The following TRIM33 variants were observed in gnomAD, a reference collection of about 807,000 sequenced individuals.
The protein encoded by TRIM33 is E3 ubiquitin-protein ligase TRIM33.
TRIM33 carries 20 observed loss-of-function variants against 125.4 expected under a neutral mutation model. The ratio of observed to expected loss-of-function variants is 0.16; its 90% CI spans 0.11 to 0.23. TRIM33 has a LOEUF of 0.23. TRIM33 is among the 10% of genes least tolerant of loss of function. The pLI, the probability that TRIM33 is intolerant of heterozygous loss-of-function variation, is 1.00. For synonymous variants in TRIM33, 564 were observed against 513.9 expected (o/e 1.10, Z -1.32); for missense variants, 920 against 1,411.4 (o/e 0.65, Z 5.58).
rs1331626425 is a variant in TRIM33, at chr1:114,394,927, G to A, written c.*2721C>T. ...AAAGCTTTTAAGAAAACATTATTAT[G>A]TGGACTTTTCTCCAAATCTTCTAAA... On this transcript the variant is annotated 3_prime_UTR_variant, in exon 20 of 20. Coordinates refer to ENST00000358465, the MANE Select transcript of TRIM33 (RefSeq NM_015906.4). 1 of 194,586 alleles carries A rather than the reference G, an allele frequency of 5.1e-6. No individual in the cohort carries two copies. Among genetic ancestry groups the A allele is most frequent in the Non-Finnish European group, 1.1e-5 (1 of 93,528 alleles). The allele number at this position is 194,586 out of a possible 1,614,324, so 12.1% of individuals were successfully genotyped here.
chr1:114,412,578 T>C (rs1652663945), intron 11 of TRIM33, among the ~76,000 whole-genome samples: 1 of 152,204 alleles, frequency 6.6e-6, no homozygotes, highest in African/African-American at 2.4e-5. Context: ...CCTTCAGCTT[T>C]AGTTTTTTTT....
intron 2 of TRIM33, among the ~76,000 whole-genome samples, chr1:114,463,764 T>C (rs954330944): frequency 2.7e-5 from 4 of 145,972 alleles, no homozygotes; most frequent in Admixed American, 6.9e-5. Flanking sequence ...TGTGCAGATT[T>C]GACTTTTTTT....
chr1:114,495,023 C>G (rs1051008582), intron 1 of TRIM33, among the ~76,000 whole-genome samples: 7 of 152,120 alleles, frequency 4.6e-5, no homozygotes, highest in Admixed American at 4.6e-4. Context: ...AAGCGATTAT[C>G]GTGACTCAGC....
chr1:114,442,098 T>A (rs2101246314), intron 4 of TRIM33, among the ~76,000 whole-genome samples: 1 of 152,324 alleles, frequency 6.6e-6, no homozygotes, highest in South Asian at 2.1e-4. Flanking sequence ...CAGAGCACAT[T>A]TTTTCATTAT....
At chr1:114,503,951 T>C (rs2336578) in intron 1 of TRIM33, among the ~76,000 whole-genome samples, 1 of 152,310 alleles carries the variant, frequency 6.6e-6, no homozygotes, top group Non-Finnish European at 1.5e-5. Flanking sequence ...TTCCACTTTC[T>C]TCCGCAGCAG....
At chr1:114,428,268 A>G (rs57740732) in intron 6 of TRIM33, among the ~76,000 whole-genome samples, 9,611 of 152,286 alleles carry the variant, frequency 0.063, 325 homozygotes, top group African/African-American at 0.086. Flanking sequence ...GGCCAAAAAA[A>G]TTTTGTGTCA....
At chr1:114,509,637 G>A (rs1443141158) in intron 1 of TRIM33, among the ~76,000 whole-genome samples, 1 of 152,136 alleles carries the variant, frequency 6.6e-6, no homozygotes, top group African/African-American at 2.4e-5. Context: ...CCTGTGCCCT[G>A]AATACCCTCC....
At chr1:114,423,565 CTTT>C (rs561155533) in intron 10 of TRIM33, among the ~76,000 whole-genome samples, 2 of 147,646 alleles carry the variant, frequency 1.4e-5, no homozygotes, top group African/African-American at 5.0e-5. Flanking sequence ...TTTTTTCTTT[CTTT>C]TTTTTTTGTT....
At position 114,460,779 on chromosome 1, in the gene TRIM33, C is replaced by CCT. The variant is rs1392619883; in HGVS notation, c.923+2323_923+2324dup. 2.0e-5 allele frequency among the ~76,000 whole-genome samples: 3 copies of CCT among 151,860 alleles called. No individual in the cohort carries two copies. In the East Asian group the frequency reaches 5.8e-4, roughly 29 times the overall value. ...TTATTTGTTTTTGCTTTCCTCAGTCCCTCTCTCTCTATAAAACCAAGCTCC... is the reference window on the plus strand; with the variant it reads ...TTATTTGTTTTTGCTTTCCTCAGTCCCTCTCTCTCTCTATAAAACCAAGCTCC... On this transcript the variant is annotated intron_variant, in intron 4 of 19. Coordinates refer to ENST00000358465, the MANE Select transcript of TRIM33 (RefSeq NM_015906.4).
At chr1:114,508,864 G>A (rs1653162311) in intron 1 of TRIM33, among the ~76,000 whole-genome samples, 1 of 152,074 alleles carries the variant, frequency 6.6e-6, no homozygotes, top group South Asian at 2.1e-4. Flanking sequence ...AACCCTATGA[G>A]GTTATATACT....
At chr1:114,482,815 T>A (rs2101494522) in intron 1 of TRIM33, among the ~76,000 whole-genome samples, 1 of 152,284 alleles carries the variant, frequency 6.6e-6, no homozygotes, top group Middle Eastern at 3.4e-3. Flanking sequence ...GAAGATGTGC[T>A]TAACTTCCCT....
At chr1:114,451,933 T>C (rs1186032811) in intron 4 of TRIM33, among the ~76,000 whole-genome samples, 8 of 152,212 alleles carry the variant, frequency 5.3e-5, no homozygotes, top group East Asian at 1.9e-4. Flanking sequence ...TGGATGATTA[T>C]GGAATGAAGC....
intron 1 of TRIM33, among the ~76,000 whole-genome samples, chr1:114,490,084 C>CAAAAAAAAAAAAAAAAAAAAAAAA (rs776451339): frequency 5.3e-5 from 2 of 37,640 alleles, no homozygotes; most frequent in Non-Finnish European, 1.0e-4. Flanking sequence ...GACTCCGTCT[C>CAAAAAAAAAAAAAAAAAAAAAAAA]AAAAAAAAAA....
At chr1:114,444,175 C>T (rs958577410) in intron 4 of TRIM33, among the ~76,000 whole-genome samples, 7 of 151,964 alleles carry the variant, frequency 4.6e-5, no homozygotes, top group Non-Finnish European at 8.8e-5. Flanking sequence ...CTGAAATCCA[C>T]GGGGCAGGGC....
At chr1:114,449,715 T>C (rs1367597621) in intron 4 of TRIM33, among the ~76,000 whole-genome samples, 1 of 152,196 alleles carries the variant, frequency 6.6e-6, no homozygotes, top group African/African-American at 2.4e-5. Flanking sequence ...CTCCAAAATA[T>C]ATTCTCTCCA....
At chr1:114,508,872 A>G (rs1653163302) in intron 1 of TRIM33, among the ~76,000 whole-genome samples, 1 of 152,214 alleles carries the variant, frequency 6.6e-6, no homozygotes, top group African/African-American at 2.4e-5. Context: ...GAGGTTATAT[A>G]CTTTTTTCCC....
At position 114,455,606 on chromosome 1, in the gene TRIM33, G is replaced by A. The variant is rs80326199; in HGVS notation, c.923+7498C>T. On this transcript the variant is annotated intron_variant, in intron 4 of 19. Transcript: ENST00000358465. ...GTCAAGGAATTTATCCCAGGAAGATGGAAATCTACAGATGGTTGTTTTAAA... is the reference window on the plus strand; with the variant it reads ...GTCAAGGAATTTATCCCAGGAAGATAGAAATCTACAGATGGTTGTTTTAAA... Among the ~76,000 whole-genome samples, 40 of 152,224 alleles carry A rather than the reference G, an allele frequency of 2.6e-4. No homozygotes were observed. The East Asian group carries it at 7.7e-3, about 29-fold the overall frequency.
intron 1 of TRIM33, among the ~76,000 whole-genome samples, chr1:114,480,989 T>C (rs946822024): frequency 3.3e-5 from 5 of 152,018 alleles, no homozygotes; most frequent in African/African-American, 4.8e-5. Context: ...CTGGCCAACA[T>C]GGTGAAACCC....
At chr1:114,479,654 T>G (rs1353813946) in intron 1 of TRIM33, among the ~76,000 whole-genome samples, 1 of 152,192 alleles carries the variant, frequency 6.6e-6, no homozygotes, top group East Asian at 1.9e-4. Context: ...AAAACCAGAC[T>G]ATATAAATGT....
Sources: allele counts gnomAD v4.1 joint callset (sites outside exome capture counted in the v4.1 genomes callset), GRCh38; gene constraint gnomAD v4.1.1; transcripts MANE v1.5; gene names NCBI Gene and HGNC (gene_info 2026-07-23, HGNC 2026-07-21).